Variants in GALNT17 observed in about 807,000 individuals in gnomAD.
GALNT17 encodes the protein UDP-GalNAc:polypeptide N-acetylgalactosaminyltransferase-like 3.
In GALNT17, 29 loss-of-function variants were observed where a neutral mutation model predicts 63.7. That is an observed-to-expected ratio of 0.46 (90% CI 0.34 to 0.62). The LOEUF (loss-of-function observed/expected upper bound fraction) is 0.62. GALNT17 is among the 20% of genes least tolerant of loss of function. The pLI is 0.01. For synonymous variants in GALNT17, 305 were observed against 318.3 expected, an observed-to-expected ratio of 0.96 and a Z score of 0.45; for missense variants, 603 against 799.6, an observed-to-expected ratio of 0.75 and a Z score of 2.97.
intron 5 of GALNT17, among the ~76,000 whole-genome samples, chr7:71,483,917 T>G (rs1274431632): frequency 6.6e-6 from 1 of 152,102 alleles, no homozygotes; most frequent in African/African-American, 2.4e-5. Context: ...AACACACACA[T>G]TAGCCTAGGC....
chr7:71,350,978 T>C (rs1792178921), intron 2 of GALNT17, among the ~76,000 whole-genome samples: 1 of 151,668 alleles, frequency 6.6e-6, no homozygotes, highest in Non-Finnish European at 1.5e-5. Context: ...TCATCTCTAC[T>C]AAAAATACAA....
At chr7:71,436,216 C>T (rs1013342743) in intron 5 of GALNT17, among the ~76,000 whole-genome samples, 2 of 152,202 alleles carry the variant, frequency 1.3e-5, no homozygotes, top group South Asian at 2.1e-4. Context: ...GGTTACATGG[C>T]TGTAGTCTCG....
chr7:71,649,950 A>T (rs1584112407), intron 6 of GALNT17, among the ~76,000 whole-genome samples: 1 of 152,342 alleles, frequency 6.6e-6, no homozygotes, highest in East Asian at 1.9e-4. Context: ...TATCTCAGGC[A>T]TGCCTGGCTG....
chr7:71,322,950 C>T (rs1791642704), intron 1 of GALNT17, among the ~76,000 whole-genome samples: 1 of 152,020 alleles, frequency 6.6e-6, no homozygotes, highest in South Asian at 2.1e-4. Context: ...TGATATAGCA[C>T]CCCTAGCTGG....
intron 5 of GALNT17, among the ~76,000 whole-genome samples, chr7:71,436,192 T>A (rs1786960431): frequency 6.6e-6 from 1 of 152,174 alleles, no homozygotes; most frequent in South Asian, 2.1e-4. Context: ...GCAGGCAAGA[T>A]GAACCCACCG....
chr7:71,482,493 A>G (rs575839222), intron 5 of GALNT17, among the ~76,000 whole-genome samples: 1 of 152,292 alleles, frequency 6.6e-6, no homozygotes, highest in Non-Finnish European at 1.5e-5. Context: ...CAATTTCATC[A>G]TTGAGCAAAC....
intron 5 of GALNT17, among the ~76,000 whole-genome samples, chr7:71,568,139 G>A (rs149799107): frequency 3.2e-4 from 48 of 152,296 alleles, no homozygotes; most frequent in African/African-American, 1.1e-3. Flanking sequence ...CTGGCCTTTG[G>A]CAGTGGGGGC....
intron 1 of GALNT17, among the ~76,000 whole-genome samples, chr7:71,185,617 C>T (rs1005179529): frequency 1.3e-5 from 2 of 149,922 alleles, no homozygotes; most frequent in Non-Finnish European, 2.9e-5. Flanking sequence ...ACGCCATTCT[C>T]CTGCCTCAGC....
chr7:71,623,408 T>G (rs1054020999), intron 6 of GALNT17, among the ~76,000 whole-genome samples: 2 of 140,664 alleles, frequency 1.4e-5, no homozygotes, highest in African/African-American at 5.3e-5. Flanking sequence ...TTTTTTCATT[T>G]CTATTTTATT....
intron 2 of GALNT17, among the ~76,000 whole-genome samples, chr7:71,368,522 C>T (rs1156244388): frequency 6.6e-6 from 1 of 152,180 alleles, no homozygotes; most frequent in Non-Finnish European, 1.5e-5. Context: ...GTGAAACCTT[C>T]CCTGGGCCCC....
At chr7:71,386,725 G>T (rs1041647255) in intron 2 of GALNT17, among the ~76,000 whole-genome samples, 2 of 152,162 alleles carry the variant, frequency 1.3e-5, no homozygotes, top group African/African-American at 2.4e-5. Context: ...CTGAGGGAGG[G>T]ATGTCAGCAG....
intron 9 of GALNT17, among the ~76,000 whole-genome samples, chr7:71,679,116 T>C (rs1791197337): frequency 6.6e-6 from 1 of 151,820 alleles, no homozygotes; most frequent in Non-Finnish European, 1.5e-5. Context: ...TGTAGGGAAA[T>C]GGGGATGCAC....
intron 1 of GALNT17, among the ~76,000 whole-genome samples, chr7:71,149,567 C>T (rs1788094623): frequency 6.6e-6 from 1 of 152,102 alleles, no homozygotes; most frequent in Non-Finnish European, 1.5e-5. Context: ...TTAGTAGTCA[C>T]TCGTGTGAAA....
chr7:71,381,305 G>A (rs1792843031), intron 2 of GALNT17, among the ~76,000 whole-genome samples: 1 of 152,132 alleles, frequency 6.6e-6, no homozygotes, highest in Non-Finnish European at 1.5e-5. Flanking sequence ...AGACGATGCT[G>A]TTGCGGATGC....
intron 1 of GALNT17, among the ~76,000 whole-genome samples, chr7:71,214,865 A>G (rs941136416): frequency 6.6e-6 from 1 of 152,192 alleles, no homozygotes; most frequent in Non-Finnish European, 1.5e-5. Flanking sequence ...GGCGTGAGCC[A>G]CCGCACCTGG....
intron 7 of GALNT17, among the ~76,000 whole-genome samples, chr7:71,666,560 A>G (rs974939161): frequency 6.6e-6 from 1 of 150,924 alleles, no homozygotes; most frequent in Non-Finnish European, 1.5e-5. Context: ...CCCCCCTCCC[A>G]CTCTTCCCCT....
chr7:71,331,714 TA>T (rs11422489), intron 1 of GALNT17, among the ~76,000 whole-genome samples: 1 of 150,828 alleles, frequency 6.6e-6, no homozygotes, highest in Admixed American at 6.6e-5. Flanking sequence ...GACCATCCCT[TA>T]AAAAAAAAGT....
intron 5 of GALNT17, among the ~76,000 whole-genome samples, chr7:71,552,089 G>C (rs537436973): frequency 1.3e-5 from 2 of 151,860 alleles, no homozygotes; most frequent in South Asian, 4.2e-4. Flanking sequence ...TTGTCACCCA[G>C]GCTGGAGTAC....
intron 2 of GALNT17, among the ~76,000 whole-genome samples, chr7:71,353,247 A>T (rs1563026356): frequency 6.6e-6 from 1 of 152,132 alleles, no homozygotes; most frequent in Non-Finnish European, 1.5e-5. Flanking sequence ...TACAATATTT[A>T]TATATCTCCA....
Sources: allele counts gnomAD v4.1 joint callset (sites outside exome capture counted in the v4.1 genomes callset), GRCh38; gene constraint gnomAD v4.1.1; transcripts MANE v1.5; gene names NCBI Gene and HGNC (gene_info 2026-07-23, HGNC 2026-07-21).